Variants in SLC12A2 observed in about 807,000 individuals in gnomAD.
SLC12A2 encodes the protein solute carrier family 12 member 2, also known as Na-K-2Cl cotransporter 1.
SLC12A2 carries 67 observed loss-of-function variants against 136.3 expected under a neutral mutation model. The observed-to-expected ratio is 0.49, with a 90% CI of 0.40 to 0.60. The LOEUF is 0.60. Ranked by LOEUF, SLC12A2 falls within the 20% of genes least tolerant of loss-of-function variation. The pLI is 0.00. For synonymous variants in SLC12A2, 619 were observed against 562.9 expected (o/e 1.10, Z -1.41); for missense variants, 1,322 against 1,534.7 (o/e 0.86, Z 2.32).
chr5:128,130,989 T>C (rs1581094735), intron 4 of SLC12A2, 78 bp from the exon 5 acceptor site: 5 of 1,370,058 alleles, frequency 3.6e-6, no homozygotes, highest in East Asian at 4.6e-5. Flanking sequence ...TGTGAATTCA[T>C]GTATAATTAA....
intron 4 of SLC12A2, among the ~76,000 whole-genome samples, chr5:128,120,125 C>T (rs1447258837): frequency 4.6e-5 from 7 of 152,090 alleles, no homozygotes; most frequent in Admixed American, 1.3e-4. Context: ...TCATCACTGG[C>T]CATCAGAGAA....
intron 19 of SLC12A2, among the ~76,000 whole-genome samples, chr5:128,172,917 C>G (rs771676431): frequency 2.0e-5 from 3 of 151,716 alleles, no homozygotes; most frequent in Non-Finnish European, 4.4e-5. Context: ...CTCCTTTGCA[C>G]TCCAGCCTGG....
intron 1 of SLC12A2, among the ~76,000 whole-genome samples, chr5:128,088,583 A>G (rs1367210347): frequency 1.3e-5 from 2 of 151,992 alleles, no homozygotes; most frequent in African/African-American, 2.4e-5. Context: ...GTGTTTTACT[A>G]TTTTGTGTTT....
intron 19 of SLC12A2, among the ~76,000 whole-genome samples, chr5:128,172,452 C>G (rs914724425): frequency 6.6e-6 from 1 of 152,182 alleles, no homozygotes; most frequent in African/African-American, 2.4e-5. Flanking sequence ...ACCACCATTG[C>G]AATAAAGATA....
intron 1 of SLC12A2, chr5:128,111,105 T>C: frequency 2.1e-6 from 1 of 477,636 alleles, no homozygotes; most frequent in Non-Finnish European, 3.9e-6. Context: ...TGTGATTGTT[T>C]GCAGTATGAA....
chr5:128,132,579 A>G (rs988614271), intron 5 of SLC12A2, among the ~76,000 whole-genome samples: 3 of 152,182 alleles, frequency 2.0e-5, no homozygotes, highest in African/African-American at 7.2e-5. Flanking sequence ...GTGCAATAGG[A>G]TTCCTCAAAT....
chr5:128,142,633 G>T (rs1328469841), intron 10 of SLC12A2, among the ~76,000 whole-genome samples: 1 of 151,984 alleles, frequency 6.6e-6, no homozygotes, highest in African/African-American at 2.4e-5. Context: ...ATTTGTATGG[G>T]TCTGTTTTTG....
chr5:128,164,182 T>C (rs949993632), intron 17 of SLC12A2, among the ~76,000 whole-genome samples: 1 of 152,004 alleles, frequency 6.6e-6, no homozygotes, highest in Non-Finnish European at 1.5e-5. Flanking sequence ...AGATCTGGGG[T>C]GAGGGCCCAG....
At chr5:128,170,325 A>T (rs529311144) in intron 18 of SLC12A2, 40 of 152,308 alleles carry the variant, frequency 2.6e-4, no homozygotes, top group African/African-American at 9.6e-4. Flanking sequence ...GCTGAGAAAG[A>T]TTAACATGCC....
At chr5:128,136,139 T>C (rs1420798877) in intron 7 of SLC12A2, among the ~76,000 whole-genome samples, 1 of 152,190 alleles carries the variant, frequency 6.6e-6, no homozygotes, top group Admixed American at 6.5e-5. Flanking sequence ...TTTCATTCTT[T>C]TAACATATTT....
chr5:128,104,672 TATATAGATATAG>T lies in SLC12A2; in HGVS notation c.757-8130_757-8119del, dbSNP rs58495401. ...AAATATATATATATAGATATATAGA[TATATAGATATAG>T]ATATAGATATATAATAGGTATGCTT... On this transcript the variant is annotated intron_variant, in intron 1 of 26. Coordinates refer to ENST00000262461, the MANE Select transcript of SLC12A2 (RefSeq NM_001046.3). Among the ~76,000 whole-genome samples the T allele has an allele frequency of 1.6e-4, 24 of 147,668 alleles. 1 individual carries two copies. In the South Asian group the frequency reaches 4.8e-3, roughly 30 times the overall value.
In SLC12A2 at chr5:128,186,767, A is replaced by G. The variant is rs1763882972; in HGVS notation, c.*136A>G. ...CACGATTTCATTAATTTGAAAGCACACAGGAAAGTTGCTCCATTGATAACG... is the reference window on the plus strand; with the variant it reads ...CACGATTTCATTAATTTGAAAGCACGCAGGAAAGTTGCTCCATTGATAACG... On this transcript the variant is annotated 3_prime_UTR_variant, in exon 27 of 27. Transcript: ENST00000262461. The G allele has an allele frequency of 4.2e-6, 4 of 948,236 alleles. No individual in the cohort carries two copies. Among genetic ancestry groups the G allele is most frequent in the Non-Finnish European group, 6.3e-6 (4 of 635,766 alleles). The allele number at this position is 948,236 out of a possible 1,614,324, so 58.7% of individuals were successfully genotyped here.
At chr5:128,164,574 C>T (rs1763143878) in intron 17 of SLC12A2, among the ~76,000 whole-genome samples, 1 of 152,128 alleles carries the variant, frequency 6.6e-6, no homozygotes, top group South Asian at 2.1e-4. Context: ...ATTTCTCTTT[C>T]CTTTCTACCT....
chr5:128,124,955 G>A (rs1761729516), intron 4 of SLC12A2, among the ~76,000 whole-genome samples: 1 of 152,152 alleles, frequency 6.6e-6, no homozygotes, highest in Non-Finnish European at 1.5e-5. Flanking sequence ...AACAAAAGAT[G>A]CTTTTCTCAC....
At chr5:128,112,627 A>AT (rs1203863578) in intron 1 of SLC12A2, among the ~76,000 whole-genome samples, 187 bp from the exon 2 acceptor site, 1 of 152,202 alleles carries the variant, frequency 6.6e-6, no homozygotes, top group African/African-American at 2.4e-5. Context: ...AATTTCAGTA[A>AT]TTAAGGTTTT....
chr5:128,171,558 A>G lies in SLC12A2; in HGVS notation c.2724-109A>G, dbSNP rs1763375906. 4 of 710,442 alleles carry G rather than the reference A, an allele frequency of 5.6e-6. No homozygotes were observed. In the East Asian group the frequency reaches 8.2e-5, roughly 15 times the overall value. 44.0% of individuals were successfully genotyped at this position (710,442 alleles called of 1,614,324 possible). On this transcript the variant is annotated intron_variant, in intron 18 of 26. Transcript: ENST00000262461. ...AGCATGTTTTAAAAATCAGACGTTT[A>G]AAGCCGAAAGTAATTTTAGAGATCA...
intron 15 of SLC12A2, among the ~76,000 whole-genome samples, chr5:128,153,604 G>T (rs1368986371): frequency 6.6e-6 from 1 of 151,986 alleles, no homozygotes; most frequent in Non-Finnish European, 1.5e-5. Context: ...ATTAACCATC[G>T]GTATAAACTT....
In SLC12A2 at chr5:128,083,899, G is replaced by C. The variant is rs1261063004; in HGVS notation, c.-56G>C. On this transcript the variant is annotated 5_prime_UTR_variant, in exon 1 of 27. Transcript: ENST00000262461. ...CCACCGCCGGCCAGGGGTGTGGAGG[G>C]CGTGCTGCCGGAGACGTCCGCCGGG... The C allele has an allele frequency of 2.5e-6, 3 of 1,196,570 alleles. No homozygotes were observed. Among genetic ancestry groups the C allele is most frequent in the Non-Finnish European group, 3.1e-6 (3 of 960,528 alleles). 74.1% of individuals were successfully genotyped at this position (1,196,570 alleles called of 1,614,324 possible).
intron 1 of SLC12A2, chr5:128,110,880 C>A: frequency 7.8e-7 from 1 of 1,285,054 alleles, no homozygotes; most frequent in Non-Finnish European, 1.1e-6. Flanking sequence ...AGGAATATGC[C>A]AATTTACAAG....
Sources: gnomAD v4.1 joint callset for allele counts (sites outside exome capture counted in the v4.1 genomes callset) on GRCh38, gnomAD v4.1.1 for gene constraint, MANE v1.5 for transcripts, NCBI Gene and HGNC (gene_info 2026-07-23, HGNC 2026-07-21) for gene names.